The following CNTNAP2 variants were observed in gnomAD, a reference collection of about 807,000 sequenced individuals.
CNTNAP2 encodes the protein contactin-associated protein-like 2.
A neutral mutation model predicts 155.2 loss-of-function variants in CNTNAP2; 98 were observed. That is an observed-to-expected ratio of 0.63 (90% CI 0.54 to 0.75). The LOEUF is 0.75. Among genes scored for constraint, CNTNAP2 ranks in the 30% least tolerant of loss-of-function variants. The pLI is 0.00. For synonymous variants in CNTNAP2, 651 were observed against 631.2 expected, an observed-to-expected ratio of 1.03 and a Z score of -0.47; for missense variants, 1,727 against 1,688.1, an observed-to-expected ratio of 1.02 and a Z score of -0.40.
intron 14 of CNTNAP2, among the ~76,000 whole-genome samples, chr7:147,924,968 AT>A (rs202073080): frequency 0.02 from 3,079 of 151,918 alleles, 111 homozygotes; most frequent in African/African-American, 0.07. Context: ...ATACAAAAAA[AT>A]TTAGCCAGGC....
intron 1 of CNTNAP2, among the ~76,000 whole-genome samples, chr7:146,698,750 T>A (rs1433866451): frequency 3.3e-5 from 5 of 152,210 alleles, no homozygotes; most frequent in African/African-American, 1.2e-4. Flanking sequence ...CATATATTAT[T>A]TGCGTTATGC....
intron 8 of CNTNAP2, among the ~76,000 whole-genome samples, chr7:147,238,361 C>T (rs912890305): frequency 5.3e-5 from 8 of 151,826 alleles, no homozygotes; most frequent in African/African-American, 9.7e-5. Context: ...ATGATTGTCA[C>T]GAGATATAGT....
intron 9 of CNTNAP2, among the ~76,000 whole-genome samples, chr7:147,346,693 C>A (rs1469258492): frequency 2.6e-5 from 4 of 152,204 alleles, no homozygotes; most frequent in Admixed American, 6.5e-5. Context: ...CCACAATTTA[C>A]ACAGCAAATT....
At chr7:147,382,455 G>A (rs1297307218) in intron 9 of CNTNAP2, among the ~76,000 whole-genome samples, 1 of 152,158 alleles carries the variant, frequency 6.6e-6, no homozygotes, top group African/African-American at 2.4e-5. Context: ...TGATTAATAT[G>A]CACAAACTTA....
At chr7:147,743,279 T>G (rs1255100627) in intron 13 of CNTNAP2, among the ~76,000 whole-genome samples, 2 of 152,096 alleles carry the variant, frequency 1.3e-5, no homozygotes, top group Admixed American at 6.6e-5. Context: ...ATCTCCCAAA[T>G]AGCAAATGGT....
At chr7:147,828,308 T>G (rs752268069) in intron 13 of CNTNAP2, among the ~76,000 whole-genome samples, 4 of 152,202 alleles carry the variant, frequency 2.6e-5, no homozygotes, top group Non-Finnish European at 5.9e-5. Context: ...CAGATTTCCT[T>G]GTTTTCTAAC....
At chr7:148,186,527 T>G (rs28477355) in intron 18 of CNTNAP2, among the ~76,000 whole-genome samples, 12,838 of 152,178 alleles carry the variant, frequency 0.084, 682 homozygotes, top group East Asian at 0.22. Flanking sequence ...CGGGACCACA[T>G]GAGGCAGCCC....
intron 1 of CNTNAP2, among the ~76,000 whole-genome samples, chr7:146,299,124 A>G (rs1367598932): frequency 6.6e-6 from 1 of 151,946 alleles, no homozygotes; most frequent in Non-Finnish European, 1.5e-5. Flanking sequence ...ATACAAAATT[A>G]GCCAGGTGTG....
chr7:146,993,885 C>G (rs1233123712), intron 3 of CNTNAP2, among the ~76,000 whole-genome samples: 2 of 152,092 alleles, frequency 1.3e-5, no homozygotes, highest in Middle Eastern at 3.2e-3. Context: ...TTGACAATTT[C>G]TCAACATGTT....
intron 8 of CNTNAP2, among the ~76,000 whole-genome samples, chr7:147,140,753 A>G (rs1801576153): frequency 6.6e-6 from 1 of 152,132 alleles, no homozygotes; most frequent in Non-Finnish European, 1.5e-5. Context: ...CCTAGGATCG[A>G]GAGACCTGCA....
At chr7:147,536,369 A>G (rs1799539530) in intron 11 of CNTNAP2, among the ~76,000 whole-genome samples, 1 of 152,226 alleles carries the variant, frequency 6.6e-6, no homozygotes, top group South Asian at 2.1e-4. Flanking sequence ...TTTTAGTTGG[A>G]GAGAAAAAGA....
intron 1 of CNTNAP2, among the ~76,000 whole-genome samples, chr7:146,544,493 T>G (rs1481195053): frequency 6.6e-6 from 1 of 152,002 alleles, no homozygotes. Flanking sequence ...TAACACTATT[T>G]TGATTGGAAA....
chr7:147,519,089 A>T (rs950010225), intron 11 of CNTNAP2, among the ~76,000 whole-genome samples: 1 of 151,986 alleles, frequency 6.6e-6, no homozygotes, highest in African/African-American at 2.4e-5. Flanking sequence ...AATTATCACA[A>T]ATGTTGTAGC....
chr7:146,263,626 G>A (rs1799953203), intron 1 of CNTNAP2, among the ~76,000 whole-genome samples: 1 of 152,192 alleles, frequency 6.6e-6, no homozygotes, highest in Non-Finnish European at 1.5e-5. Context: ...CCTAGAGGTT[G>A]TAGACAGAGC....
At chr7:146,450,408 G>A (rs560778571) in intron 1 of CNTNAP2, among the ~76,000 whole-genome samples, 1 of 152,266 alleles carries the variant, frequency 6.6e-6, no homozygotes, top group African/African-American at 2.4e-5. Context: ...CACAAGGGTG[G>A]GCAGGATTTA....
chr7:147,902,624 C>T (rs1480786328), intron 13 of CNTNAP2, among the ~76,000 whole-genome samples: 2 of 152,168 alleles, frequency 1.3e-5, no homozygotes, highest in Non-Finnish European at 2.9e-5. Flanking sequence ...ATCCTCATAG[C>T]TTAGCTCCCA....
intron 13 of CNTNAP2, among the ~76,000 whole-genome samples, chr7:147,857,252 AAC>A (rs1799054919): frequency 6.6e-6 from 1 of 152,206 alleles, no homozygotes; most frequent in South Asian, 2.1e-4. Flanking sequence ...TTATTTTTCT[AAC>A]ACATGGAATT....
chr7:146,224,180 C>T (rs1038671568), intron 1 of CNTNAP2, among the ~76,000 whole-genome samples: 2 of 152,082 alleles, frequency 1.3e-5, no homozygotes, highest in African/African-American at 4.8e-5. Context: ...TTGATTATGG[C>T]AATGTCAGAC....
intron 15 of CNTNAP2, among the ~76,000 whole-genome samples, chr7:148,012,702 T>C (rs1431046150): frequency 6.6e-6 from 1 of 152,224 alleles, no homozygotes; most frequent in Non-Finnish European, 1.5e-5. Context: ...ACATTCACAC[T>C]CCTCACTCTC....
Sources: gnomAD v4.1 joint callset for allele counts (sites outside exome capture counted in the v4.1 genomes callset) on GRCh38, gnomAD v4.1.1 for gene constraint, MANE v1.5 for transcripts, NCBI Gene and HGNC (gene_info 2026-07-23, HGNC 2026-07-21) for gene names.